The following PARP4 variants were observed in gnomAD, a reference collection of about 807,000 sequenced individuals.
The protein encoded by PARP4 is poly(ADP-ribose) polymerase family member 4.
A neutral mutation model predicts 187.7 loss-of-function variants in PARP4; 120 were observed. The ratio of observed to expected loss-of-function variants is 0.64; its 90% CI spans 0.55 to 0.74. PARP4 has a LOEUF of 0.74. Ranked by LOEUF, PARP4 falls within the 30% of genes least tolerant of loss-of-function variation. The pLI is 0.00. For synonymous variants in PARP4, 654 were observed against 740.9 expected, an observed-to-expected ratio of 0.88 and a Z score of 1.90; for missense variants, 1,836 against 2,070.5, an observed-to-expected ratio of 0.89 and a Z score of 2.20.
At chr13:24,450,381 C>T (rs762216858) in intron 24 of PARP4, among the ~76,000 whole-genome samples, 2 of 150,570 alleles carry the variant, frequency 1.3e-5, no homozygotes, top group Admixed American at 6.6e-5. Flanking sequence ...AGAGGAATTC[C>T]TCCTGAAATA....
At chr13:24,494,395 T>A (rs1309094130) in intron 7 of PARP4, among the ~76,000 whole-genome samples, 178 bp downstream of exon 7, 1 of 152,202 alleles carries the variant, frequency 6.6e-6, no homozygotes, top group African/African-American at 2.4e-5. Flanking sequence ...GGTCTCTCTA[T>A]GTTGCCAAGG....
intron 17 of PARP4, among the ~76,000 whole-genome samples, chr13:24,463,929 G>A (rs1872328517): frequency 6.6e-6 from 1 of 152,142 alleles, no homozygotes; most frequent in Non-Finnish European, 1.5e-5. Context: ...CTCTTAAGCT[G>A]ATAAGCAACT....
intron 11 of PARP4, among the ~76,000 whole-genome samples, chr13:24,485,942 C>A (rs1196692456): frequency 2.6e-5 from 4 of 152,136 alleles, no homozygotes. Context: ...CCTCAGCCTC[C>A]CAAAGTATTA....
chr13:24,475,419 T>C (rs1307624598), intron 15 of PARP4, 53 bp downstream of exon 15: 14 of 1,514,930 alleles, frequency 9.2e-6, no homozygotes, highest in African/African-American at 4.1e-5. Context: ...CAAATTCTCA[T>C]GTATGGTTTA....
intron 10 of PARP4, among the ~76,000 whole-genome samples, chr13:24,488,802 C>T (rs1384221668): frequency 2.6e-5 from 4 of 152,184 alleles, no homozygotes; most frequent in Non-Finnish European, 5.9e-5. Flanking sequence ...AAGAAAACCC[C>T]GTACCTTTTG....
At chr13:24,456,577 C>T (rs947606104) in intron 20 of PARP4, 99 bp from the exon 21 acceptor site, 3 of 1,069,862 alleles carry the variant, frequency 2.8e-6, no homozygotes, top group African/African-American at 1.6e-5. Context: ...GCATAGCTTA[C>T]ATAACTCTAT....
intron 25 of PARP4, among the ~76,000 whole-genome samples, chr13:24,448,666 C>A (rs1871337006): frequency 6.6e-6 from 1 of 152,174 alleles, no homozygotes; most frequent in South Asian, 2.1e-4. Flanking sequence ...CACTTGTATA[C>A]CAATGCTCAT....
rs1289285151 is a variant in PARP4 at position 24,452,530 on chromosome 13, A to C, written c.2890T>G (p.Tyr964Asp). The C allele has an allele frequency of 6.2e-7, 1 of 1,614,112 alleles. No individual in the cohort carries two copies. Among genetic ancestry groups the C allele is most frequent in the East Asian group, 2.2e-5 (1 of 44,876 alleles). The change falls in exon 24 of 34, where the codon TAC becomes GAC. Residue 964 changes from tyrosine to aspartate, a missense_variant. Physicochemically the swap from Tyr to Asp is radical, Grantham distance 160. Around this residue, in one of 8 missense-constraint regions of PARP4, gnomAD observed 1,147 missense variants for 1,214.2 expected, o/e 0.94. Transcript: ENST00000381989. ...WKTLRYLSLL[Y>D]PARGSRNILL... ...ATGTTCCGTGACCCTCGAGCAGGGT[A>C]CAATAAGCTAAGATATCGGAGTGTT...
In PARP4 at chr13:24,447,078, C is replaced by A; in HGVS notation, c.3223G>T (p.Val1075Leu). 6.2e-7 allele frequency: 1 copy of A among 1,611,136 alleles called. No homozygotes were observed. Among genetic ancestry groups the A allele is most frequent in the South Asian group, 1.1e-5 (1 of 90,800 alleles). ...CGATCATTGAGAAACAAGGACGGCA[C>A]CTGGGCTGGGGCCTGCAGGGCCTCG... ...VPEALQAPAQ[V>L]PSLFLNDRLL... Residue 1075 changes from valine (V) to leucine (L), a missense_variant, in exon 26 of 34, where the codon GTG (valine) becomes TTG (leucine). Physicochemically the swap from Val to Leu is conservative, Grantham distance 32 (BLOSUM62 1). Coordinates refer to ENST00000381989, the MANE Select transcript of PARP4 (RefSeq NM_006437.4).
intron 10 of PARP4, among the ~76,000 whole-genome samples, chr13:24,489,088 G>A (rs1018339681): frequency 3.9e-5 from 6 of 152,170 alleles, no homozygotes; most frequent in African/African-American, 1.2e-4. Flanking sequence ...TTTGGCTGTT[G>A]TGAATAGTGT....
chr13:24,435,154 C>T lies in PARP4; in HGVS notation c.3987G>A (p.Pro1329=), dbSNP rs1213188606. The change falls in exon 31 of 34, where the codon CCG becomes CCA. Residue 1329 remains proline, a synonymous_variant. Coordinates refer to ENST00000381989, the MANE Select transcript of PARP4 (RefSeq NM_006437.4). The stretch of plus-strand genomic sequence containing the variant: ...AAGCAGGACTGTGAGCGCGGGCAGT[C>T]GGGGGAAGATAGGAACCAACGGCCG... The part of the protein sequence containing the change: ...LAPAVGSYLP[P]TARAHSPASL... 26 of 1,613,844 alleles carry T rather than the reference C, an allele frequency of 1.6e-5. No individual in the cohort carries two copies. The highest frequency in any genetic ancestry group is 4.5e-5 in the East Asian group (2 of 44,870).
rs1871047063 is a variant in PARP4 at position 24,443,382 on chromosome 13, T to C, written c.3447+268A>G. 2.0e-5 allele frequency among the ~76,000 whole-genome samples: 3 copies of C among 152,060 alleles called. No homozygotes were observed. In the South Asian group the frequency reaches 6.2e-4, roughly 32 times the overall value. ...CACTACAGGCACTCAGCGAGTGTTC[T>C]CTGAGCCCTCCTCTGGCTTCTTCTG... On this transcript the variant is annotated intron_variant, in intron 28 of 33. Transcript: ENST00000381989.
intron 12 of PARP4, among the ~76,000 whole-genome samples, chr13:24,482,890 A>G (rs1873352260): frequency 6.6e-6 from 1 of 152,242 alleles, no homozygotes; most frequent in South Asian, 2.1e-4. Flanking sequence ...GTGTAGCCAC[A>G]GTCCACTTGT....
At chr13:24,433,669 A>T (rs1397169444) in intron 31 of PARP4, among the ~76,000 whole-genome samples, 2 of 152,036 alleles carry the variant, frequency 1.3e-5, no homozygotes, top group Non-Finnish European at 2.9e-5. Context: ...TAAATCTCAA[A>T]CCCACTCTGT....
At position 24,446,711 on chromosome 13, in the gene PARP4, C is replaced by T. The variant is rs200962456; in HGVS notation, c.3336G>A (p.Ser1112=). 6.2e-6 allele frequency: 10 copies of T among 1,600,732 alleles called. No homozygotes were observed. Among genetic ancestry groups the T allele is most frequent in the East Asian group, 2.2e-5 (1 of 44,810 alleles). Residue 1112 remains serine (S), a synonymous_variant, in exon 27 of 34, where the codon TCG becomes TCA. Transcript: ENST00000381989. ...IQEKEFRTMV[S]TTELQKTTGT... ...CAGTTGTCTTCTGAAGCTCAGTAGT[C>T]GACACCATTGTACGAAATTCTTTCT...
intron 33 of PARP4, among the ~76,000 whole-genome samples, chr13:24,422,430 C>G (rs1869791864): frequency 6.6e-6 from 1 of 152,100 alleles, no homozygotes; most frequent in South Asian, 2.1e-4. Flanking sequence ...CTGAAAACAA[C>G]AAAACTGGCT....
chr13:24,455,036 A>AT lies in PARP4; in HGVS notation c.2738dup (p.Asn913LysfsTer17). ...ACTCACCTGTGCCGAACTGGATAAT[A>AT]TTTACTTTCTGCTTCTCACCCACCA... On this transcript the variant is annotated frameshift_variant, in exon 22 of 34. Transcript: ENST00000381989. LOFTEE classifies it high-confidence loss of function. 1 of 1,608,522 alleles carries AT rather than the reference A, an allele frequency of 6.2e-7. No homozygotes were observed. The highest frequency in any genetic ancestry group is 8.5e-7 in the Non-Finnish European group (1 of 1,175,674).
At chr13:24,468,955 G>C (rs1252395895) in intron 17 of PARP4, 69 bp downstream of exon 17, 1 of 1,097,504 alleles carries the variant, frequency 9.1e-7, no homozygotes, top group Non-Finnish European at 1.4e-6. Flanking sequence ...CATGAAATTC[G>C]TATTTCATAT....
At chr13:24,461,012 G>C (rs1021509669) in intron 17 of PARP4, among the ~76,000 whole-genome samples, 1 of 152,098 alleles carries the variant, frequency 6.6e-6, no homozygotes, top group African/African-American at 2.4e-5. Flanking sequence ...TTCTTTTAAA[G>C]GGATGTTGAT....
Sources: gnomAD v4.1 joint callset for allele counts (sites outside exome capture counted in the v4.1 genomes callset) on GRCh38, gnomAD v4.1.1 for gene constraint, gnomAD v4.1.1 regional missense constraint, MANE v1.5 for transcripts, NCBI Gene and HGNC (gene_info 2026-07-23, HGNC 2026-07-21) for gene names.